The following COL6A5 variants were observed in gnomAD, a reference collection of about 807,000 sequenced individuals.
COL6A5 encodes collagen type VI alpha 5 chain.
COL6A5 carries 48 observed loss-of-function variants against 65.6 expected under a neutral mutation model. The observed-to-expected ratio is 0.73, with a 90% confidence interval of 0.58 to 0.93. The LOEUF (loss-of-function observed/expected upper bound fraction) is 0.93. COL6A5 is among the 40% of genes least tolerant of loss of function. The pLI is 0.00. For missense variants in COL6A5, 914 were observed against 928.3 expected, an observed-to-expected ratio of 0.98 and a Z score of 0.20; for synonymous variants, 291 against 322.8, an observed-to-expected ratio of 0.90 and a Z score of 1.05.
intron 24 of COL6A5, among the ~76,000 whole-genome samples, chr3:130,417,077 C>G (rs1937366048): frequency 6.6e-6 from 1 of 151,796 alleles, no homozygotes; most frequent in South Asian, 2.1e-4. Flanking sequence ...AATGCTCTCC[C>G]TCTCCTTGGC....
At chr3:130,469,741 A>G (rs1023021092) in intron 6 of COL6A5, among the ~76,000 whole-genome samples, 1 of 152,106 alleles carries the variant, frequency 6.6e-6, no homozygotes, top group African/African-American at 2.4e-5. Context: ...AGTGTTTACT[A>G]TGTGGCAGGT....
intron 13 of COL6A5, among the ~76,000 whole-genome samples, chr3:130,404,735 G>A (rs1936929139): frequency 6.6e-6 from 1 of 152,144 alleles, no homozygotes; most frequent in Admixed American, 6.5e-5. Context: ...CCTTTTGCAG[G>A]GAATGATCCT....
At chr3:130,434,290 G>A (rs1435966435) in intron 1 of COL6A5, among the ~76,000 whole-genome samples, 2 of 151,116 alleles carry the variant, frequency 1.3e-5, no homozygotes, top group East Asian at 3.8e-4. Context: ...TGGCTGCATA[G>A]TATTCCATGT....
At position 130,401,899 on chromosome 3, in the gene COL6A5, T is replaced by C. The variant is rs927274674; in HGVS notation, c.4227+45T>C. 1.2e-4 allele frequency: 158 copies of C among 1,371,628 alleles called. No individual in the cohort carries two copies. In the East Asian group the frequency reaches 3.9e-3, roughly 34 times the overall value. 85.0% of individuals were successfully genotyped at this position (1,371,628 alleles called of 1,614,324 possible). ...CTATTTTATCTAATGTGCCTTGATT[T>C]GGTACAGGTGGGACTGAGACTGAGT... On this transcript the variant is annotated intron_variant and NMD_transcript_variant, in intron 12 of 41. Coordinates refer to the COL6A5 transcript ENST00000312481.
chr3:130,409,480 GCAAATGGTTGTCT>G lies in COL6A5; in HGVS notation c.4542+93_4542+105del, dbSNP rs1937106917. 3 of 1,111,386 alleles carry G rather than the reference GCAAATGGTTGTCT, an allele frequency of 2.7e-6. No individual in the cohort carries two copies. The South Asian group carries it at 5.0e-5, about 18-fold the overall frequency. 68.8% of individuals were successfully genotyped at this position (1,111,386 alleles called of 1,614,324 possible). On this transcript the variant is annotated intron_variant and NMD_transcript_variant, in intron 18 of 41. Coordinates refer to the COL6A5 transcript ENST00000312481. ...TTTGTGTTTCCTGCCTACCCTGTAGGCAAATGGTTGTCTTAGGAGTAGGGGTGATAGGTGTTGG... is the reference window on the plus strand; with the variant it reads ...TTTGTGTTTCCTGCCTACCCTGTAGGTAGGAGTAGGGGTGATAGGTGTTGG...
chr3:130,391,275 TC>T, exon 7 of COL6A5: 1 of 1,551,508 alleles, frequency 6.4e-7, no homozygotes, highest in Non-Finnish European at 8.7e-7. Context: ...AACCTAACTA[TC>T]CATTTGGTGA....
chr3:130,426,419 G>A lies in COL6A5; in HGVS notation c.5236+16G>A, dbSNP rs374744382. On this transcript the variant is annotated intron_variant and NMD_transcript_variant, in intron 31 of 41. Transcript: ENST00000312481. ...GAACATAGTCGTGAGTATCTGTTAC[G>A]GAACAAGAGCATCCATCAATGGTTG... is the stretch of plus-strand genomic sequence containing the variant. The A allele has an allele frequency of 3.8e-5, 59 of 1,550,608 alleles. No individual in the cohort carries two copies. Among genetic ancestry groups the A allele is most frequent in the African/African-American group, 1.9e-4 (14 of 72,966 alleles).
At chr3:130,442,905 T>C (rs1709218414) in intron 3 of COL6A5, among the ~76,000 whole-genome samples, 2 of 152,230 alleles carry the variant, frequency 1.3e-5, no homozygotes, top group South Asian at 4.1e-4. Flanking sequence ...TAAAATCTTT[T>C]ATTTTCCAGA....
chr3:130,388,743 A>T (rs758871954), exon 6 of COL6A5: 26 of 1,551,278 alleles, frequency 1.7e-5, no homozygotes, highest in Non-Finnish European at 2.3e-5. Context: ...TCAGTGATAA[A>T]ACTAAGGAAG....
At chr3:130,395,016 A>G in exon 8 of COL6A5, 1 of 1,551,570 alleles carries the variant, frequency 6.4e-7, no homozygotes, top group Non-Finnish European at 8.7e-7. Context: ...ATTCAGTCTC[A>G]AAGAATGAAA....
intron 19 of COL6A5, 88 bp downstream of exon 19, chr3:130,410,162 A>G: frequency 1.0e-6 from 1 of 964,952 alleles, no homozygotes; most frequent in Non-Finnish European, 1.6e-6. Context: ...TCTGTAATTG[A>G]ACAAATGCTC....
intron 13 of COL6A5, 23 bp from the exon 14 acceptor site, chr3:130,405,565 C>G: frequency 6.5e-7 from 1 of 1,539,888 alleles, no homozygotes; most frequent in Non-Finnish European, 8.8e-7. Flanking sequence ...ACTTTGGGTA[C>G]CTGTCTGTGC....
chr3:130,367,129 C>T (rs989978460), intron 1 of COL6A5, among the ~76,000 whole-genome samples: 24 of 152,146 alleles, frequency 1.6e-4, no homozygotes, highest in Admixed American at 1.4e-3. Flanking sequence ...AACTGTAGCC[C>T]GTGTTTCTGA....
chr3:130,453,606 T>C (rs896674996), intron 4 of COL6A5, among the ~76,000 whole-genome samples: 1 of 152,258 alleles, frequency 6.6e-6, no homozygotes, highest in Non-Finnish European at 1.5e-5. Context: ...GTATCCTAAA[T>C]AAAAATATAA....
chr3:130,384,172 GC>G (rs1205243608), intron 4 of COL6A5, among the ~76,000 whole-genome samples: 2 of 151,928 alleles, frequency 1.3e-5, no homozygotes, highest in African/African-American at 4.8e-5. Context: ...AGAGAGGAGG[GC>G]ACATGCAAAG....
exon 5 of COL6A5, chr3:130,385,249 T>C: frequency 6.4e-7 from 1 of 1,550,932 alleles, no homozygotes; most frequent in Non-Finnish European, 8.7e-7. Context: ...GGGCAGCTAA[T>C]AAAATAGAAC....
At position 130,385,378 on chromosome 3, in the gene COL6A5, A is replaced by C; in HGVS notation, c.1861+14A>C. Reference sequence around the variant, plus strand: ...GCGCTGAAAAAGGTAAGCAACACAAAAAAGGCTTTATTCTCCACATTTCAT... The same window carrying C: ...GCGCTGAAAAAGGTAAGCAACACAACAAAGGCTTTATTCTCCACATTTCAT... On this transcript the variant is annotated intron_variant and NMD_transcript_variant, in intron 5 of 41. Coordinates refer to the COL6A5 transcript ENST00000312481. The C allele has an allele frequency of 6.5e-7, 1 of 1,544,230 alleles. No individual in the cohort carries two copies. The highest frequency in any genetic ancestry group is 8.7e-7 in the Non-Finnish European group (1 of 1,143,704).
chr3:130,352,001 T>C, intron 1 of COL6A5, among the ~76,000 whole-genome samples: 1 of 152,158 alleles, frequency 6.6e-6, no homozygotes, highest in Non-Finnish European at 1.5e-5. Context: ...GTTCATGTCC[T>C]TTGCAGGGAC....
chr3:130,441,467 T>A (rs1709178662), intron 3 of COL6A5, among the ~76,000 whole-genome samples: 1 of 152,082 alleles, frequency 6.6e-6, no homozygotes, highest in African/African-American at 2.4e-5. Flanking sequence ...AAATTGAGAG[T>A]AAACATCTAG....
Sources: allele counts gnomAD v4.1 joint callset (sites outside exome capture counted in the v4.1 genomes callset), GRCh38; gene constraint gnomAD v4.1.1; transcripts MANE v1.5; gene names NCBI Gene and HGNC (gene_info 2026-07-23, HGNC 2026-07-21).